The following MAF variants were observed in gnomAD, a reference collection of about 807,000 sequenced individuals.
The protein encoded by MAF is transcription factor Maf.
Under a neutral mutation model 22.0 loss-of-function variants are expected in MAF, and 10 were observed. The observed-to-expected ratio is 0.45, with a 90% CI of 0.28 to 0.77. MAF has a LOEUF of 0.77. Among genes scored for constraint, MAF ranks in the 30% least tolerant of loss-of-function variants. MAF has a pLI of 0.12. For synonymous variants in MAF, 337 were observed against 255.8 expected, an observed-to-expected ratio of 1.32 and a Z score of -3.03; for missense variants, 544 against 548.4, an observed-to-expected ratio of 0.99 and a Z score of 0.08.
chr16:79,210,579 T>C, the MAF span, among the ~76,000 whole-genome samples: 1 of 152,184 alleles, frequency 6.6e-6, no homozygotes, highest in South Asian at 2.1e-4. Flanking sequence ...CTCCCTCTCA[T>C]CAGCTGAAAA....
chr16:79,556,893 G>A, the MAF span, among the ~76,000 whole-genome samples: 26 of 152,046 alleles, frequency 1.7e-4, no homozygotes, highest in African/African-American at 5.6e-4. Context: ...TGCTTGGTAT[G>A]AGAAATGTGA....
At chr16:79,298,250 G>C in the MAF span, among the ~76,000 whole-genome samples, 3 of 152,222 alleles carry the variant, frequency 2.0e-5, no homozygotes, top group Non-Finnish European at 4.4e-5. Flanking sequence ...GCTAGTAAAT[G>C]TGAGGAAAAG....
chr16:79,494,245 A>C, the MAF span, among the ~76,000 whole-genome samples: 1 of 152,310 alleles, frequency 6.6e-6, no homozygotes, highest in South Asian at 2.1e-4. Flanking sequence ...GGGAATTAGC[A>C]AGCTATGTTT....
chr16:79,574,925 C>G, the MAF span, among the ~76,000 whole-genome samples: 1 of 152,128 alleles, frequency 6.6e-6, no homozygotes, highest in Non-Finnish European at 1.5e-5. Context: ...AATTCACCAG[C>G]AGCTTCTTGC....
the MAF span, among the ~76,000 whole-genome samples, chr16:79,573,288 T>A: frequency 6.6e-6 from 1 of 152,254 alleles, no homozygotes; most frequent in Non-Finnish European, 1.5e-5. Context: ...TCATCAAACT[T>A]ACCGAGCCTT....
At chr16:79,314,754 G>A in the MAF span, among the ~76,000 whole-genome samples, 45 of 152,220 alleles carry the variant, frequency 3.0e-4, no homozygotes, top group African/African-American at 1.1e-3. Context: ...GAGGAGGCTC[G>A]GAGGCCCAGA....
the MAF span, among the ~76,000 whole-genome samples, chr16:79,354,974 TA>T: frequency 6.7e-6 from 1 of 149,616 alleles, no homozygotes; most frequent in Admixed American, 6.6e-5. Flanking sequence ...GGCAGGGGAT[TA>T]AAAAACCTGT....
At chr16:79,488,286 G>A in the MAF span, among the ~76,000 whole-genome samples, 3 of 152,166 alleles carry the variant, frequency 2.0e-5, no homozygotes, top group East Asian at 5.8e-4. Context: ...TAGGGGACCA[G>A]GAAGGAGAAA....
chr16:79,391,516 G>A, the MAF span, among the ~76,000 whole-genome samples: 4 of 152,180 alleles, frequency 2.6e-5, no homozygotes, highest in African/African-American at 9.7e-5. Flanking sequence ...GCAGGAAATG[G>A]TGTAAAAATG....
chr16:79,432,513 T>C, the MAF span, among the ~76,000 whole-genome samples: 12 of 152,312 alleles, frequency 7.9e-5, no homozygotes, highest in South Asian at 2.5e-3. Context: ...AAAAGTTATA[T>C]GAATATGGTT....
chr16:79,570,907 G>C, the MAF span, among the ~76,000 whole-genome samples: 1 of 152,258 alleles, frequency 6.6e-6, no homozygotes, highest in Middle Eastern at 3.4e-3. Flanking sequence ...AGCTGGTATT[G>C]GCACTTAACA....
the MAF span, among the ~76,000 whole-genome samples, chr16:79,401,065 G>C: frequency 6.6e-6 from 1 of 152,188 alleles, no homozygotes; most frequent in Non-Finnish European, 1.5e-5. Flanking sequence ...AAGTGGTGAG[G>C]TCGGCTCCCT....
chr16:79,274,907 G>A, the MAF span, among the ~76,000 whole-genome samples: 1 of 152,206 alleles, frequency 6.6e-6, no homozygotes, highest in South Asian at 2.1e-4. Flanking sequence ...CAAGTTCAGG[G>A]ATGAGTAGCT....
Position 79,594,557 on chromosome 16 carries a change from T to A in MAF, c.1119-4A>T, listed in dbSNP as rs777523081. 1 of 1,557,854 alleles carries A rather than the reference T, an allele frequency of 6.4e-7. No homozygotes were observed. On this transcript the variant is annotated splice_region_variant and splice_polypyrimidine_tract_variant and intron_variant, in intron 1 of 1. Transcript: ENST00000326043. ...CAACTTGCGAGTGGGCTCAGTTCTGTAATTGGAATGAAAGGAATTTTAACA... is the reference window on the plus strand; with the variant it reads ...CAACTTGCGAGTGGGCTCAGTTCTGAAATTGGAATGAAAGGAATTTTAACA...
chr16:79,527,369 G>C, the MAF span, among the ~76,000 whole-genome samples: 1 of 152,192 alleles, frequency 6.6e-6, no homozygotes, highest in Non-Finnish European at 1.5e-5. Flanking sequence ...CTCCCCAAGT[G>C]ACAAAAATCA....
chr16:79,233,978 T>G, the MAF span, among the ~76,000 whole-genome samples: 3 of 140,892 alleles, frequency 2.1e-5, no homozygotes, highest in African/African-American at 2.7e-5. Context: ...GGCGAAAGAG[T>G]GAGACTCCAT....
At chr16:79,335,183 CAAA>C in the MAF span, among the ~76,000 whole-genome samples, 6 of 86,320 alleles carry the variant, frequency 7.0e-5, no homozygotes, top group Admixed American at 1.1e-4. Flanking sequence ...GACTCCATCT[CAAA>C]AAAAAAAAAA....
At chr16:79,214,965 C>T in the MAF span, among the ~76,000 whole-genome samples, 1 of 151,968 alleles carries the variant, frequency 6.6e-6, no homozygotes. Context: ...CCACCTCAGC[C>T]CCCCAAAGTG....
the MAF span, among the ~76,000 whole-genome samples, chr16:79,387,728 T>C: frequency 6.6e-6 from 1 of 152,224 alleles, no homozygotes; most frequent in Admixed American, 6.5e-5. Context: ...ATTGAGAATA[T>C]CTGAGATTCA....
Sources: gnomAD v4.1 joint callset for allele counts (sites outside exome capture counted in the v4.1 genomes callset) on GRCh38, gnomAD v4.1.1 for gene constraint, MANE v1.5 for transcripts, NCBI Gene and HGNC (gene_info 2026-07-23, HGNC 2026-07-21) for gene names.